Variants in ATL1 observed in about 807,000 individuals in gnomAD.
ATL1 encodes atlastin-1.
Under a neutral mutation model 75.5 loss-of-function variants are expected in ATL1, and 31 were observed. The observed-to-expected ratio is 0.41, with a 90% CI of 0.31 to 0.55. The LOEUF is 0.55. ATL1 is among the 20% of genes least tolerant of loss of function. ATL1 has a pLI of 0.27. For missense variants in ATL1, 405 were observed against 662.6 expected, an observed-to-expected ratio of 0.61 and a Z score of 4.27; for synonymous variants, 226 against 233.3, an observed-to-expected ratio of 0.97 and a Z score of 0.28.
intron 2 of ATL1, among the ~76,000 whole-genome samples, chr14:50,589,417 C>G (rs2039134356): frequency 6.6e-6 from 1 of 152,094 alleles, no homozygotes; most frequent in South Asian, 2.1e-4. Context: ...CTCGGCCTCC[C>G]AAAGTGCTGA....
intron 8 of ATL1, among the ~76,000 whole-genome samples, chr14:50,620,249 C>T (rs933996239): frequency 1.3e-5 from 2 of 152,174 alleles, no homozygotes; most frequent in African/African-American, 4.8e-5. Flanking sequence ...CAGAGCAAGA[C>T]TTCATTTCAA....
At chr14:50,546,935 C>T (rs1238949444) in intron 1 of ATL1, among the ~76,000 whole-genome samples, 5 of 151,942 alleles carry the variant, frequency 3.3e-5, no homozygotes, top group African/African-American at 1.2e-4. Context: ...TTTGCTGCAC[C>T]CATATACCCG....
chr14:50,630,810 A>C (rs2039572270), intron 13 of ATL1: 1 of 350,704 alleles, frequency 2.9e-6, no homozygotes, highest in Admixed American at 3.9e-5. Context: ...AAGCAAAAGC[A>C]AATTTCAGCT....
At chr14:50,611,397 C>T (rs373145445) in intron 6 of ATL1, among the ~76,000 whole-genome samples, 1 of 152,060 alleles carries the variant, frequency 6.6e-6, no homozygotes, top group African/African-American at 2.4e-5. Flanking sequence ...TTTCCATATG[C>T]ATTTGTAGTA....
At chr14:50,557,823 G>C (rs1008474424), upstream of ATL1, among the ~76,000 whole-genome samples, 1 of 152,116 alleles carries the variant, frequency 6.6e-6, no homozygotes, top group Non-Finnish European at 1.5e-5. Context: ...ACCTTTTCTC[G>C]TTAAAAGGAG....
At chr14:50,624,157 A>G (rs1474891007) in intron 11 of ATL1, among the ~76,000 whole-genome samples, 2 of 152,116 alleles carry the variant, frequency 1.3e-5, no homozygotes, top group African/African-American at 4.8e-5. Context: ...GACAATCAGA[A>G]TGAAAGAATT....
At chr14:50,602,497 A>T (rs1020079377) in intron 6 of ATL1, among the ~76,000 whole-genome samples, 1 of 152,112 alleles carries the variant, frequency 6.6e-6, no homozygotes, top group Non-Finnish European at 1.5e-5. Flanking sequence ...AAGAAATAGA[A>T]ACATTCCCCA....
chr14:50,630,228 A>C (rs1484594238), intron 13 of ATL1, among the ~76,000 whole-genome samples: 1 of 152,224 alleles, frequency 6.6e-6, no homozygotes, highest in Non-Finnish European at 1.5e-5. Context: ...ACACACAAAA[A>C]CTAAGAATTG....
intron 5 of ATL1, among the ~76,000 whole-genome samples, chr14:50,595,031 G>T (rs1265480656): frequency 2.0e-5 from 3 of 147,322 alleles, no homozygotes. Flanking sequence ...AAAAAAAAAA[G>T]AAAAAGAAAA....
At chr14:50,625,536 C>A (rs2039509982) in intron 11 of ATL1, among the ~76,000 whole-genome samples, 1 of 152,160 alleles carries the variant, frequency 6.6e-6, no homozygotes, top group Non-Finnish European at 1.5e-5. Context: ...GGCTTCAAAG[C>A]TTGGAAGAAC....
chr14:50,605,306 CAG>C (rs2039307039), intron 6 of ATL1, among the ~76,000 whole-genome samples: 1 of 151,786 alleles, frequency 6.6e-6, no homozygotes, highest in East Asian at 1.9e-4. Context: ...TCATAGAGAA[CAG>C]AGGATATTTT....
chr14:50,591,272 C>G (rs1045334344), intron 3 of ATL1, among the ~76,000 whole-genome samples, 197 bp downstream of exon 3: 1 of 152,156 alleles, frequency 6.6e-6, no homozygotes, highest in African/African-American at 2.4e-5. Flanking sequence ...GATGATAGAA[C>G]AGCAGATCAG....
exon 1 of ATL1, chr14:50,533,149 A>G (rs2038442153): frequency 6.6e-6 from 1 of 152,330 alleles, no homozygotes; most frequent in Admixed American, 6.5e-5. Flanking sequence ...CATTTCTGAA[A>G]GTCTGAATTC....
intron 1 of ATL1, chr14:50,572,043 C>A (rs1181218352): frequency 1.8e-6 from 1 of 547,948 alleles, no homozygotes; most frequent in Admixed American, 2.0e-5. Context: ...GGGATCAAAT[C>A]CCCACAATAT....
At chr14:50,534,968 T>C (rs529871029) in intron 1 of ATL1, among the ~76,000 whole-genome samples, 1 of 152,066 alleles carries the variant, frequency 6.6e-6, no homozygotes, top group Non-Finnish European at 1.5e-5. Flanking sequence ...ATGTTAGTTA[T>C]GTCATGGTAA....
intron 1 of ATL1, among the ~76,000 whole-genome samples, chr14:50,539,087 A>G (rs2038529584): frequency 6.6e-6 from 1 of 152,248 alleles, no homozygotes; most frequent in Non-Finnish European, 1.5e-5. Context: ...GTCTCAGAAA[A>G]GAGACTCTCA....
intron 11 of ATL1, 63 bp downstream of exon 11, chr14:50,623,311 CTCTTT>C (rs1416568353): frequency 1.4e-5 from 19 of 1,348,152 alleles, no homozygotes; most frequent in Non-Finnish European, 2.0e-5. Context: ...GCAACTCATT[CTCTTT>C]TTTCTTCCAT....
chr14:50,554,562 C>T (rs1323623221), intron 1 of ATL1, among the ~76,000 whole-genome samples: 1 of 152,164 alleles, frequency 6.6e-6, no homozygotes, highest in African/African-American at 2.4e-5. Flanking sequence ...ATGGGGAAGG[C>T]GGGGCAGTGA....
At position 50,584,517 on chromosome 14, in the gene ATL1, C is replaced by T. The variant is rs539567114; in HGVS notation, c.35-3314C>T. Among the ~76,000 whole-genome samples, 12 of 152,254 alleles carry T rather than the reference C, an allele frequency of 7.9e-5. 1 individual carries two copies. In the South Asian group the frequency reaches 2.1e-3, roughly 26 times the overall value. ...AGGAGATCGAGACCATCCTGGCTAA[C>T]ATGGTGAAACCTTGTCTCTACTAAA... On this transcript the variant is annotated intron_variant, in intron 1 of 13. Transcript: ENST00000358385.
Sources: allele counts gnomAD v4.1 joint callset (sites outside exome capture counted in the v4.1 genomes callset), GRCh38; gene constraint gnomAD v4.1.1; transcripts MANE v1.5; gene names NCBI Gene and HGNC (gene_info 2026-07-23, HGNC 2026-07-21).